TNR: variants seen among roughly 807,000 people sequenced by gnomAD.
TNR encodes the protein tenascin-R.
A neutral mutation model predicts 150.4 loss-of-function variants in TNR; 45 were observed. The ratio of observed to expected loss-of-function variants is 0.30; its 90% CI spans 0.24 to 0.38. The LOEUF (loss-of-function observed/expected upper bound fraction) is 0.38. Ranked by LOEUF, TNR falls within the 10% of genes least tolerant of loss-of-function variation. TNR has a pLI of 1.00. For synonymous variants in TNR, 687 were observed against 678.4 expected (o/e 1.01, Z -0.20); for missense variants, 1,544 against 1,759.1 (o/e 0.88, Z 2.19).
intron 1 of TNR, among the ~76,000 whole-genome samples, chr1:175,676,323 T>C (rs1297692182): frequency 6.6e-6 from 1 of 152,140 alleles, no homozygotes; most frequent in Admixed American, 6.5e-5. Flanking sequence ...CATCAGTTTC[T>C]GGAGGGCAAG....
At chr1:175,353,494 G>A (rs972093616) in intron 18 of TNR, among the ~76,000 whole-genome samples, 11 of 152,162 alleles carry the variant, frequency 7.2e-5, no homozygotes, top group Admixed American at 5.9e-4. Context: ...GAAGGCAGCC[G>A]GAACAGCTGC....
chr1:175,444,537 C>A (rs1231407866), intron 2 of TNR, among the ~76,000 whole-genome samples: 1 of 152,208 alleles, frequency 6.6e-6, no homozygotes, highest in Non-Finnish European at 1.5e-5. Context: ...TGACTCAAAC[C>A]TGTCCTTCAC....
intron 7 of TNR, among the ~76,000 whole-genome samples, chr1:175,390,085 C>T (rs1387647581): frequency 6.6e-6 from 1 of 152,218 alleles, no homozygotes; most frequent in Non-Finnish European, 1.5e-5. Context: ...CAAGGCACTG[C>T]CATAGAACCT....
intron 2 of TNR, among the ~76,000 whole-genome samples, chr1:175,445,947 C>T (rs887115509): frequency 6.6e-6 from 1 of 152,118 alleles, no homozygotes; most frequent in African/African-American, 2.4e-5. Context: ...TTCATTCGAG[C>T]CATTATGGGA....
At chr1:175,688,537 G>A (rs1324192790) in intron 1 of TNR, among the ~76,000 whole-genome samples, 1 of 152,228 alleles carries the variant, frequency 6.6e-6, no homozygotes, top group African/African-American at 2.4e-5. Context: ...ACAGACCCCA[G>A]TTTTGTTCTG....
intron 1 of TNR, among the ~76,000 whole-genome samples, chr1:175,643,408 G>A (rs933042411): frequency 1.1e-4 from 17 of 152,282 alleles, no homozygotes; most frequent in Non-Finnish European, 2.1e-4. Flanking sequence ...AGTCACCAAC[G>A]CCCTGTGCCT....
chr1:175,629,093 G>C (rs73033332), intron 1 of TNR, among the ~76,000 whole-genome samples: 1 of 152,052 alleles, frequency 6.6e-6, no homozygotes, highest in South Asian at 2.1e-4. Flanking sequence ...AGCTGTCTGC[G>C]GTGCACTGGG....
intron 1 of TNR, among the ~76,000 whole-genome samples, chr1:175,720,953 C>T (rs925045200): frequency 1.3e-4 from 20 of 152,338 alleles, no homozygotes; most frequent in African/African-American, 4.3e-4. Flanking sequence ...CTGAGAAGGG[C>T]TTAGCAATCA....
At chr1:175,439,902 T>G (rs370589080) in intron 2 of TNR, among the ~76,000 whole-genome samples, 1 of 152,134 alleles carries the variant, frequency 6.6e-6, no homozygotes, top group Non-Finnish European at 1.5e-5. Context: ...TGTGGAGAAA[T>G]AGGAACACTT....
chr1:175,392,141 GAGT>G (rs1394597183), intron 6 of TNR, among the ~76,000 whole-genome samples: 2 of 152,042 alleles, frequency 1.3e-5, no homozygotes, highest in African/African-American at 4.8e-5. Context: ...GAATGAGAAA[GAGT>G]AACTTGACGA....
intron 2 of TNR, among the ~76,000 whole-genome samples, chr1:175,494,670 GCCCGGTGGC>G (rs951667072): frequency 1.3e-5 from 2 of 152,132 alleles, no homozygotes; most frequent in Admixed American, 6.5e-5. Context: ...GCGCTAACAA[GCCCGGTGGC>G]TCCTTAAAAA....
intron 2 of TNR, among the ~76,000 whole-genome samples, chr1:175,443,163 A>C (rs1655871410): frequency 6.6e-6 from 1 of 152,222 alleles, no homozygotes; most frequent in African/African-American, 2.4e-5. Context: ...TTGCCAGAGT[A>C]ATAAAAATGT....
intron 2 of TNR, among the ~76,000 whole-genome samples, chr1:175,465,615 T>A (rs1657001020): frequency 6.6e-6 from 1 of 152,104 alleles, no homozygotes; most frequent in Admixed American, 6.5e-5. Context: ...TGGCACATAG[T>A]AGGGAATCCA....
chr1:175,620,835 GAA>G, intron 1 of TNR, among the ~76,000 whole-genome samples: 2 of 148,054 alleles, frequency 1.4e-5, no homozygotes, highest in South Asian at 4.3e-4. Flanking sequence ...TGTGTGAGTA[GAA>G]AAAAAAAAGA....
chr1:175,417,261 G>A (rs539051225), intron 2 of TNR, among the ~76,000 whole-genome samples: 1 of 152,214 alleles, frequency 6.6e-6, no homozygotes, highest in Non-Finnish European at 1.5e-5. Flanking sequence ...ACTGGAGAAG[G>A]CTTTGTGAAG....
chr1:175,331,006 T>G (rs372468808), intron 20 of TNR, among the ~76,000 whole-genome samples: 2 of 40,520 alleles, frequency 4.9e-5, no homozygotes, highest in African/African-American at 1.9e-4. Context: ...TGATTCTTTC[T>G]TTCTTTCTTT....
At chr1:175,331,101 C>CTTTCTT (rs1368309847) in intron 20 of TNR, among the ~76,000 whole-genome samples, 7 of 98,150 alleles carry the variant, frequency 7.1e-5, no homozygotes, top group Non-Finnish European at 1.3e-4. Flanking sequence ...TTCTTTCTTT[C>CTTTCTT]TCTCTCTCTT....
intron 2 of TNR, among the ~76,000 whole-genome samples, chr1:175,449,272 A>C (rs180845338): frequency 6.6e-6 from 1 of 152,306 alleles, no homozygotes; most frequent in East Asian, 1.9e-4. Flanking sequence ...TCACACACAC[A>C]AACACATATG....
intron 1 of TNR, among the ~76,000 whole-genome samples, chr1:175,641,292 T>C (rs540063888): frequency 2.6e-4 from 39 of 151,554 alleles, no homozygotes; most frequent in African/African-American, 9.4e-4. Context: ...GAGGGCAGGG[T>C]TGGAGAGAAG....
Sources: gnomAD v4.1 joint callset for allele counts (sites outside exome capture counted in the v4.1 genomes callset) on GRCh38, gnomAD v4.1.1 for gene constraint, MANE v1.5 for transcripts, NCBI Gene and HGNC (gene_info 2026-07-23, HGNC 2026-07-21) for gene names.